HSPG2: variants seen among roughly 807,000 people sequenced by gnomAD.
The protein encoded by HSPG2 is heparan sulfate proteoglycan 2.
A neutral mutation model predicts 526.6 loss-of-function variants in HSPG2; 278 were observed. The ratio of observed to expected loss-of-function variants is 0.53; its 90% CI spans 0.48 to 0.58. The LOEUF is 0.58. Ranked by LOEUF, HSPG2 falls within the 20% of genes least tolerant of loss-of-function variation. HSPG2 has a pLI of 0.00. For missense variants in HSPG2, 5,354 were observed against 6,099.5 expected (o/e 0.88, Z 4.07); for synonymous variants, 2,465 against 2,555.4 (o/e 0.96, Z 1.07).
At chr1:21,870,799 A>T in intron 33 of HSPG2, 1 of 985,694 alleles carries the variant, frequency 1.0e-6, no homozygotes, top group East Asian at 1.1e-4. Context: ...ACGCCCCACC[A>T]CACCAACTTC....
Position 21,854,339 on chromosome 1 carries a change from T to C in HSPG2, c.6293A>G (p.His2098Arg). ...GGSLPPHTQV[H>R]GSRLRLPQVS... ...CTGGGGGAGCCGCAGACGGGAGCCGTGCACCTGGGCCAGGAGGAGCCAGAG... is the reference window on the plus strand; with the variant it reads ...CTGGGGGAGCCGCAGACGGGAGCCGCGCACCTGGGCCAGGAGGAGCCAGAG... Residue 2098 changes from histidine to arginine, a missense_variant, in exon 50 of 97, where the codon CAC (histidine) becomes CGC (arginine). By Grantham distance (29) the His-to-Arg change is conservative. Coordinates refer to ENST00000374695, the MANE Select transcript of HSPG2 (RefSeq NM_005529.7). 6.4e-7 allele frequency: 1 copy of C among 1,567,960 alleles called. No individual in the cohort carries two copies. The highest frequency in any genetic ancestry group is 8.7e-7 in the Non-Finnish European group (1 of 1,156,064).
chr1:21,843,413 T>G lies in HSPG2; in HGVS notation c.8642A>C (p.Asn2881Thr). Reference protein sequence around the residue: ...HQVHGPLLRLNQVSPADSGEY... With the variant: ...HQVHGPLLRLTQVSPADSGEY... ...GCCAGAGTCAGCCGGGGACACCTGG[T>G]TCAGCCTCAGCAGTGGGCCGTGGAC... The change falls in exon 66 of 97, where the codon AAC becomes ACC. Residue 2881 changes from asparagine to threonine, a missense_variant. Transcript: ENST00000374695. 1 of 1,613,612 alleles carries G rather than the reference T, an allele frequency of 6.2e-7. No homozygotes were observed. The highest frequency in any genetic ancestry group is 2.2e-5 in the East Asian group (1 of 44,868).
rs890905458 is a variant in HSPG2, at chr1:21,878,479, T to C, written c.2571A>G (p.Gly857=). ...CGGGCTGGATGGGGTTGCCCTCGTA[T>C]CCGGGGGCACAGCTAGGGGAGAGAG... ...TGRRCESCAP[G]YEGNPIQPGG... is the part of the protein sequence containing the mutation. The change falls in exon 20 of 97, where the codon GGA becomes GGG. Residue 857 remains glycine (G), a synonymous_variant. Coordinates refer to ENST00000374695, the MANE Select transcript of HSPG2 (RefSeq NM_005529.7). 2 of 1,611,932 alleles carry C rather than the reference T, an allele frequency of 1.2e-6. No homozygotes were observed. The highest frequency in any genetic ancestry group is 1.7e-6 in the Non-Finnish European group (2 of 1,178,748).
intron 74 of HSPG2, 52 bp from the exon 75 acceptor site, chr1:21,837,058 G>A (rs2098029323): frequency 1.3e-6 from 2 of 1,493,598 alleles, no homozygotes; most frequent in East Asian, 2.5e-5. Context: ...TGATGTCCCT[G>A]ATGCCCCTCC....
intron 64 of HSPG2, 60 bp downstream of exon 64, chr1:21,846,048 C>A: frequency 6.3e-7 from 1 of 1,592,124 alleles, no homozygotes; most frequent in Non-Finnish European, 8.6e-7. Flanking sequence ...AGTTCTGCCC[C>A]CTGGTCTCTG....
At position 21,865,460 on chromosome 1, in the gene HSPG2, C is replaced by A. The variant is rs1417459560; in HGVS notation, c.4315-95G>T. 4.2e-6 allele frequency: 5 copies of A among 1,193,228 alleles called. No individual in the cohort carries two copies. Among genetic ancestry groups the A allele is most frequent in the African/African-American group, 3.0e-5 (2 of 66,764 alleles). 73.9% of individuals were successfully genotyped at this position (1,193,228 alleles called of 1,614,324 possible). A position where few individuals can be genotyped will look rare whatever the true frequency, so the allele number is the denominator to read the frequency against. The stretch of plus-strand genomic sequence containing the variant: ...GTCCTAGATTCTCTGTAACCCCCAG[C>A]CTCCCACCTCTCTGCTCTCCCAAGC... On this transcript the variant is annotated intron_variant, in intron 34 of 96. Coordinates refer to ENST00000374695, the MANE Select transcript of HSPG2 (RefSeq NM_005529.7). This position sits in a 1 kb window ranked among gnomAD's most constrained non-coding sequence, Gnocchi z 5.4.
chr1:21,881,546 G>A, intron 13 of HSPG2, 44 bp from the exon 14 acceptor site: 1 of 1,534,280 alleles, frequency 6.5e-7, no homozygotes, highest in Non-Finnish European at 9.0e-7. Flanking sequence ...GCCTGGGCCT[G>A]CCTGATACAC....
intron 1 of HSPG2, among the ~76,000 whole-genome samples, chr1:21,897,877 A>G (rs1273460896): frequency 6.6e-6 from 1 of 152,104 alleles, no homozygotes. Flanking sequence ...ATTTATGCCT[A>G]AATAAGGATG....
At chr1:21,920,344 C>T (rs1380795028) in intron 1 of HSPG2, among the ~76,000 whole-genome samples, 2 of 152,196 alleles carry the variant, frequency 1.3e-5, no homozygotes, top group African/African-American at 4.8e-5. Flanking sequence ...CATCACCCCA[C>T]CCTAAACCCC....
At chr1:21,929,655 A>C (rs541253488) in intron 1 of HSPG2, among the ~76,000 whole-genome samples, 9 of 151,286 alleles carry the variant, frequency 5.9e-5, no homozygotes, top group Admixed American at 5.9e-4. Context: ...AAATAAATTA[A>C]CTGTTCTGAG....
chr1:21,876,480 G>A lies in HSPG2; in HGVS notation c.2826+32C>T, dbSNP rs779543511. 9.9e-6 allele frequency: 16 copies of A among 1,612,952 alleles called. No individual in the cohort carries two copies. The African/African-American group carries it at 2.1e-4, about 22-fold the overall frequency. ...GCTTGGTCCATCCGGCCCAGGGCTT[G>A]GCGGTCCTGCCCGCCCACCTTGCAG... On this transcript the variant is annotated intron_variant, in intron 22 of 96. Coordinates refer to ENST00000374695, the MANE Select transcript of HSPG2 (RefSeq NM_005529.7).
At chr1:21,834,583 A>T in intron 77 of HSPG2, 96 bp downstream of exon 77, 1 of 1,428,726 alleles carries the variant, frequency 7.0e-7, no homozygotes, top group Non-Finnish European at 9.7e-7. Flanking sequence ...CCAAGTGAAC[A>T]GAAAGGAAGA....
At chr1:21,923,851 C>T (rs12082196) in intron 1 of HSPG2, among the ~76,000 whole-genome samples, 13 of 152,138 alleles carry the variant, frequency 8.5e-5, no homozygotes, top group African/African-American at 2.2e-4. Context: ...GAATGTTTGC[C>T]GAATGAATGA....
chr1:21,832,580 G>A lies in HSPG2; in HGVS notation c.11122C>T (p.Arg3708Ter), dbSNP rs2098009302. The A allele has an allele frequency of 6.2e-7, 1 of 1,614,136 alleles. No individual in the cohort carries two copies. Among genetic ancestry groups the A allele is most frequent in the Non-Finnish European group, 8.5e-7 (1 of 1,180,008 alleles). The change falls in exon 81 of 97, where the codon CGA becomes TGA. Residue 3708 changes from arginine to a stop codon, truncating the protein, a stop_gained. Transcript: ENST00000374695. LOFTEE classifies it high-confidence loss of function. ...DGMLLYNGQK[R>*]VPGSPTNLAN... is the part of the protein sequence containing the mutation. ...AGGTTGGTGGGGCTCCCTGGGACTC[G>A]CTTCTGCCCATTGTACAGCAGCATC...
At chr1:21,873,531 A>G in intron 29 of HSPG2, 107 bp from the exon 30 acceptor site, 2 of 1,112,820 alleles carry the variant, frequency 1.8e-6, no homozygotes, top group South Asian at 2.5e-5. Flanking sequence ...CACTGGAAGA[A>G]AAGAAGAGCC....
chr1:21,865,249 G>T lies in HSPG2; in HGVS notation c.4395+36C>A, dbSNP rs752998852. 2 of 1,598,900 alleles carry T rather than the reference G, an allele frequency of 1.3e-6. No individual in the cohort carries two copies. The highest frequency in any genetic ancestry group is 2.2e-5 in the South Asian group (2 of 90,772). On this transcript the variant is annotated intron_variant, in intron 35 of 96. Transcript: ENST00000374695. The surrounding 1 kb of genome is among the most constrained non-coding windows in gnomAD (Gnocchi z 5.4). Reference sequence around the variant, plus strand: ...GCTCTGAGTCAGGGTGGAGGGTGGGGTGGGGTTAGACACAGCATGGCCAGG... The same window carrying T: ...GCTCTGAGTCAGGGTGGAGGGTGGGTTGGGGTTAGACACAGCATGGCCAGG...
In HSPG2 at chr1:21,872,923, T is replaced by C. The variant is rs1433892042; in HGVS notation, c.3888+74A>G. The C allele has an allele frequency of 6.4e-7, 1 of 1,552,500 alleles. No homozygotes were observed. The highest frequency in any genetic ancestry group is 8.9e-7 in the Non-Finnish European group (1 of 1,124,802). On this transcript the variant is annotated intron_variant, in intron 31 of 96. Transcript: ENST00000374695. This position sits in a 1 kb window ranked among gnomAD's most constrained non-coding sequence, Gnocchi z 5.5. ...TGCCCAGGTCTCGGCTTCCACCAGATGCTGCCTGATTTCCCCGCAGGGTCT... is the reference window on the plus strand; with the variant it reads ...TGCCCAGGTCTCGGCTTCCACCAGACGCTGCCTGATTTCCCCGCAGGGTCT...
At chr1:21,855,232 G>C in intron 47 of HSPG2, 72 bp downstream of exon 47, 25 of 1,534,110 alleles carry the variant, frequency 1.6e-5, no homozygotes, top group Non-Finnish European at 2.1e-5. Context: ...GGCGTGAAGG[G>C]GGAGGGAAGG....
rs143030747 is a variant in HSPG2 at position 21,895,882 on chromosome 1, G to A, written c.244+40C>T. The A allele has an allele frequency of 1.3e-5, 21 of 1,604,282 alleles. No individual in the cohort carries two copies. The African/African-American group carries it at 2.3e-4, about 17-fold the overall frequency. On this transcript the variant is annotated intron_variant, in intron 3 of 96. Transcript: ENST00000374695. This position sits in a 1 kb window ranked among gnomAD's most constrained non-coding sequence, Gnocchi z 4.1. ...AGACTGGCTCTGGGGCTTCCCTGGG[G>A]GACAGGAGGGAGACCTGCAGGAGGC...
Sources: allele counts gnomAD v4.1 joint callset (sites outside exome capture counted in the v4.1 genomes callset), GRCh38; gene constraint gnomAD v4.1.1; non-coding constraint Gnocchi (gnomAD v3.1); transcripts MANE v1.5; gene names NCBI Gene and HGNC (gene_info 2026-07-23, HGNC 2026-07-21).